B4GALNT1: variants seen among roughly 807,000 people sequenced by gnomAD.
The protein encoded by B4GALNT1 is beta-1,4 N-acetylgalactosaminyltransferase 1.
B4GALNT1 carries 43 observed loss-of-function variants against 55.2 expected under a neutral mutation model. The ratio of observed to expected loss-of-function variants is 0.78; its 90% CI spans 0.61 to 1.00. B4GALNT1 has a LOEUF of 1.00. B4GALNT1 is among the 50% of genes least tolerant of loss of function. The pLI is 0.00. For missense variants in B4GALNT1, 664 were observed against 729.7 expected, an observed-to-expected ratio of 0.91 and a Z score of 1.04; for synonymous variants, 305 against 311.6, an observed-to-expected ratio of 0.98 and a Z score of 0.22.
chr12:57,626,932 G>C lies in B4GALNT1; in HGVS notation c.1414C>G (p.Arg472Gly). The C allele has an allele frequency of 6.2e-7, 1 of 1,614,146 alleles. No individual in the cohort carries two copies. The highest frequency in any genetic ancestry group is 8.5e-7 in the Non-Finnish European group (1 of 1,180,004). ...EFFLDGLGSL[R>G]VGSCSDVVVD... ...ACGACGTCGGAGCAGGAGCCAACCC[G>C]AAGGGAACCAAGCCCATCCAAGAAG... The change falls in exon 11 of 11, where the codon CGG (arginine) becomes GGG (glycine). Residue 472 changes from arginine to glycine, a missense_variant. Transcript: ENST00000341156.
rs758654153 is a variant in B4GALNT1, at chr12:57,623,834, A to C, written c.*2910T>G. On this transcript the variant is annotated 3_prime_UTR_variant, in exon 11 of 11. Transcript: ENST00000341156. ...TTTGCTCCTGTTCCTCCTTTTCTCT[A>C]GCTGGCAGGCCTCTTCTCCTGCACA... is the stretch of plus-strand genomic sequence containing the variant. 15 of 1,613,060 alleles carry C rather than the reference A, an allele frequency of 9.3e-6. No homozygotes were observed. The highest frequency in any genetic ancestry group is 7.7e-5 in the South Asian group (7 of 90,918).
rs1885132765 is a variant in B4GALNT1 at position 57,630,514 on chromosome 12, C to T, written c.495G>A (p.Leu165=). The change falls in exon 5 of 11, where the codon CTG becomes CTA. Residue 165 remains leucine, a synonymous_variant. Coordinates refer to ENST00000341156, the MANE Select transcript of B4GALNT1 (RefSeq NM_001478.5). ...QPLRSILVPG[L]SLQAASGQEV... is the part of the protein sequence containing the mutation. ...CCTGACCAGAAGCTGCCTGAAGGCTCAGCCCTAGGAGAAAGGAGTGGGGGG... is the reference window on the plus strand; with the variant it reads ...CCTGACCAGAAGCTGCCTGAAGGCTTAGCCCTAGGAGAAAGGAGTGGGGGG... The T allele has an allele frequency of 2.5e-6, 4 of 1,608,030 alleles. No individual in the cohort carries two copies. The highest frequency in any genetic ancestry group is 3.4e-6 in the Non-Finnish European group (4 of 1,177,314).
At chr12:57,631,798 T>C in intron 2 of B4GALNT1, 117 bp downstream of exon 2, 1 of 1,085,922 alleles carries the variant, frequency 9.2e-7, no homozygotes, top group Non-Finnish European at 1.2e-6. Flanking sequence ...ACCTCCCACT[T>C]CACTCCACAC....
chr12:57,626,103 C>T lies in B4GALNT1; in HGVS notation c.*641G>A. ...TGATGAGGACCATGACCCTTGAACC[C>T]CCTTACCTAACGTAACTAATAAAAT... On this transcript the variant is annotated 3_prime_UTR_variant, in exon 11 of 11. Coordinates refer to ENST00000341156, the MANE Select transcript of B4GALNT1 (RefSeq NM_001478.5). 1 of 202,788 alleles carries T rather than the reference C, an allele frequency of 4.9e-6. No homozygotes were observed. Among genetic ancestry groups the T allele is most frequent in the Non-Finnish European group, 1.0e-5 (1 of 100,158 alleles). 12.6% of individuals were successfully genotyped at this position (202,788 alleles called of 1,614,324 possible).
Position 57,625,855 on chromosome 12 carries a change from C to A in B4GALNT1, c.*889G>T. On this transcript the variant is annotated 3_prime_UTR_variant, in exon 11 of 11. Coordinates refer to ENST00000341156, the MANE Select transcript of B4GALNT1 (RefSeq NM_001478.5). ...ATGAATAGTAGATTGAAGACCAAAT[C>A]AGGGAGCCCGGGCTGAGCTATGGGT... 2 of 1,282,394 alleles carry A rather than the reference C, an allele frequency of 1.6e-6. No individual in the cohort carries two copies. Among genetic ancestry groups the A allele is most frequent in the Non-Finnish European group, 2.0e-6 (2 of 984,454 alleles). 79.4% of individuals were successfully genotyped at this position (1,282,394 alleles called of 1,614,324 possible).
At position 57,626,351 on chromosome 12, in the gene B4GALNT1, G is replaced by A. The variant is rs1356794757; in HGVS notation, c.*393C>T. ...TCTGAAGATGCAGATGAGGGGCACA[G>A]TCTTGGGATTATGTGTTGGGGAACT... is the stretch of plus-strand genomic sequence containing the variant. On this transcript the variant is annotated 3_prime_UTR_variant, in exon 11 of 11. Transcript: ENST00000341156. 3.6e-6 allele frequency: 1 copy of A among 280,546 alleles called. No homozygotes were observed. The highest frequency in any genetic ancestry group is 9.3e-5 in the East Asian group (1 of 10,806). The allele number at this position is 280,546 out of a possible 1,614,324, so 17.4% of individuals were successfully genotyped here.
rs1042424771 is a variant in B4GALNT1 at position 57,625,386 on chromosome 12, A to T, written c.*1358T>A. 6 of 1,614,096 alleles carry T rather than the reference A, an allele frequency of 3.7e-6. No individual in the cohort carries two copies. Among genetic ancestry groups the T allele is most frequent in the Non-Finnish European group, 5.1e-6 (6 of 1,180,004 alleles). On this transcript the variant is annotated 3_prime_UTR_variant, in exon 11 of 11. Transcript: ENST00000341156. ...ACTCATACCCTCTGATCTGGGACTT[A>T]ACCCCTTTGCCCCATCCCTGCAGCT...
chr12:57,627,517 G>A, intron 10 of B4GALNT1, 101 bp downstream of exon 10: 1 of 1,431,646 alleles, frequency 7.0e-7, no homozygotes, highest in East Asian at 2.5e-5. Context: ...GTTCCCGCTG[G>A]CGGCTGGGCG....
rs1390145882 is a variant in B4GALNT1 at position 57,626,410 on chromosome 12, G to C, written c.*334C>G. On this transcript the variant is annotated 3_prime_UTR_variant, in exon 11 of 11. Transcript: ENST00000341156. ...CCCTCGGTCCCAAGATGAGAGGACA[G>C]TGTTTCCACCTTAGGTTCTTAGAGT... 5.5e-6 allele frequency: 2 copies of C among 366,566 alleles called. No homozygotes were observed. Among genetic ancestry groups the C allele is most frequent in the African/African-American group, 4.1e-5 (2 of 48,252 alleles). 22.7% of individuals were successfully genotyped at this position (366,566 alleles called of 1,614,324 possible). A position where few individuals can be genotyped will look rare whatever the true frequency, so the allele number is the denominator to read the frequency against.
chr12:57,625,030 G>A lies in B4GALNT1; in HGVS notation c.*1714C>T, dbSNP rs764237731. ...GGATGTGGATCCTCAGGGAGTGGGA[G>A]GCAGGTGGGTGTTCTGAGGGGGATC... On this transcript the variant is annotated 3_prime_UTR_variant, in exon 11 of 11. Coordinates refer to ENST00000341156, the MANE Select transcript of B4GALNT1 (RefSeq NM_001478.5). 2.5e-6 allele frequency: 4 copies of A among 1,613,104 alleles called. No homozygotes were observed. Among genetic ancestry groups the A allele is most frequent in the South Asian group, 2.2e-5 (2 of 91,062 alleles).
intron 9 of B4GALNT1, 86 bp from the exon 10 acceptor site, chr12:57,627,944 G>T (rs1884948854): frequency 6.8e-6 from 10 of 1,470,564 alleles, no homozygotes; most frequent in Non-Finnish European, 9.0e-6. Flanking sequence ...GCCTTCGGGG[G>T]TACCCCTGCC....
intron 10 of B4GALNT1, among the ~76,000 whole-genome samples, 153 bp from the exon 11 acceptor site, chr12:57,627,114 G>A (rs564954313): frequency 6.6e-6 from 1 of 152,282 alleles, no homozygotes; most frequent in South Asian, 2.1e-4. Context: ...CTGGGTCTCA[G>A]TCTTACTCTT....
chr12:57,624,483 CT>C lies in B4GALNT1; in HGVS notation c.*2260del, dbSNP rs1482129039. The C allele has an allele frequency of 2.1e-5, 13 of 616,774 alleles. No homozygotes were observed. The highest frequency in any genetic ancestry group is 4.3e-5 in the South Asian group (3 of 70,186). 38.2% of individuals were successfully genotyped at this position (616,774 alleles called of 1,614,324 possible). ...GGCTTTTCTTTTGGGCAATCCACCCCTATCCCTATCCTGCAGGCTGTGTGGA... is the reference window on the plus strand; with the variant it reads ...GGCTTTTCTTTTGGGCAATCCACCCCATCCCTATCCTGCAGGCTGTGTGGA... On this transcript the variant is annotated 3_prime_UTR_variant, in exon 11 of 11. Coordinates refer to ENST00000341156, the MANE Select transcript of B4GALNT1 (RefSeq NM_001478.5).
chr12:57,630,394 G>A (rs775170077), intron 5 of B4GALNT1, 62 bp from the exon 6 acceptor site: 36 of 1,596,778 alleles, frequency 2.3e-5, no homozygotes, highest in Admixed American at 5.0e-5. Flanking sequence ...TCCCTGATTC[G>A]CCCATCCTTC....
chr12:57,630,232 G>C lies in B4GALNT1; in HGVS notation c.632C>G (p.Pro211Arg), dbSNP rs528736467. 6.2e-7 allele frequency: 1 copy of C among 1,614,218 alleles called. No individual in the cohort carries two copies. The highest frequency in any genetic ancestry group is 2.2e-5 in the East Asian group (1 of 44,884). The stretch of plus-strand genomic sequence containing the variant: ...TTGCCTGTTGAGTTGGTCCAGCCCT[G>C]GGCTGACAAGGGTGAGATCTGCCTG... ...EGQADLTLVS[P>R]GLDQLNRQLQ... is the part of the protein sequence containing the mutation. Residue 211 changes from proline (P) to arginine (R), a missense_variant, in exon 6 of 11, where the codon CCA becomes CGA. By Grantham distance (103) the Pro-to-Arg change is moderately radical. Transcript: ENST00000341156.
At chr12:57,629,754 G>A in intron 6 of B4GALNT1, 4 of 1,431,462 alleles carry the variant, frequency 2.8e-6, no homozygotes, top group Non-Finnish European at 2.7e-6. Flanking sequence ...CAACAAACCA[G>A]CTTTGGGGAG....
Position 57,626,661 on chromosome 12 carries a change from C to T in B4GALNT1, c.*83G>A, listed in dbSNP as rs1486021422. On this transcript the variant is annotated 3_prime_UTR_variant, in exon 11 of 11. Coordinates refer to ENST00000341156, the MANE Select transcript of B4GALNT1 (RefSeq NM_001478.5). Reference sequence around the variant, plus strand: ...TCAGGGACAGCCAGTAGAGTGCTCACAGGGTGGTGGGGTTTGTTGGAAATT... The same window carrying T: ...TCAGGGACAGCCAGTAGAGTGCTCATAGGGTGGTGGGGTTTGTTGGAAATT... The T allele has an allele frequency of 4.0e-6, 6 of 1,497,838 alleles. No individual in the cohort carries two copies. Among genetic ancestry groups the T allele is most frequent in the Non-Finnish European group, 5.5e-6 (6 of 1,082,580 alleles). 92.8% of individuals were successfully genotyped at this position (1,497,838 alleles called of 1,614,324 possible). A position where few individuals can be genotyped will look rare whatever the true frequency, so the allele number is the denominator to read the frequency against.
chr12:57,624,316 T>A lies in B4GALNT1; in HGVS notation c.*2428A>T. The stretch of plus-strand genomic sequence containing the variant: ...TTTGTAACTTCCCAACTGGTGCGGG[T>A]CATTACATTTGGTGTGTGTCCCATT... On this transcript the variant is annotated 3_prime_UTR_variant, in exon 11 of 11. Transcript: ENST00000341156. 1 of 629,104 alleles carries A rather than the reference T, an allele frequency of 1.6e-6. No individual in the cohort carries two copies. The highest frequency in any genetic ancestry group is 1.9e-5 in the South Asian group (1 of 53,050). 39.0% of individuals were successfully genotyped at this position (629,104 alleles called of 1,614,324 possible).
At chr12:57,628,598 C>T in intron 8 of B4GALNT1, 115 bp downstream of exon 8, 5 of 1,256,776 alleles carry the variant, frequency 4.0e-6, no homozygotes, top group Non-Finnish European at 5.6e-6. Context: ...GCTTAACAGG[C>T]ACCCCATGAT....
Sources: gnomAD v4.1 joint callset for allele counts (sites outside exome capture counted in the v4.1 genomes callset) on GRCh38, gnomAD v4.1.1 for gene constraint, MANE v1.5 for transcripts, NCBI Gene and HGNC (gene_info 2026-07-23, HGNC 2026-07-21) for gene names.